The following PLCZ1 variants were observed in gnomAD, a reference collection of about 807,000 sequenced individuals.
PLCZ1 encodes the protein phospholipase C zeta 1.
In PLCZ1, 64 loss-of-function variants were observed where a neutral mutation model predicts 76.8. The ratio of observed to expected loss-of-function variants is 0.83; its 90% CI spans 0.68 to 1.03. The LOEUF (loss-of-function observed/expected upper bound fraction) is 1.03, where lower values mean the gene tolerates loss of function less well. Ranked by LOEUF, PLCZ1 falls within the 50% of genes least tolerant of loss-of-function variation. PLCZ1 has a pLI of 0.00. For missense variants in PLCZ1, 751 were observed against 713.7 expected (o/e 1.05, Z -0.60); for synonymous variants, 248 against 230.8 (o/e 1.07, Z -0.68).
intron 10 of PLCZ1, among the ~76,000 whole-genome samples, chr12:18,697,066 T>C (rs570072451): frequency 1.3e-5 from 2 of 152,252 alleles, no homozygotes; most frequent in South Asian, 2.1e-4. Flanking sequence ...TGGCACCTTC[T>C]TCAAATTTTT....
chr12:18,720,209 T>C (rs1958357609), intron 4 of PLCZ1, among the ~76,000 whole-genome samples: 1 of 152,106 alleles, frequency 6.6e-6, no homozygotes, highest in South Asian at 2.1e-4. Flanking sequence ...TCATTCCCAT[T>C]ACTTTACAGT....
chr12:18,696,063 G>T, intron 11 of PLCZ1, 87 bp downstream of exon 11: 1 of 710,020 alleles, frequency 1.4e-6, no homozygotes, highest in South Asian at 1.6e-5. Flanking sequence ...TTTACAGAAA[G>T]CCCTTTTCAC....
the PLCZ1 span, among the ~76,000 whole-genome samples, chr12:18,677,729 G>C: frequency 3.3e-5 from 5 of 152,072 alleles, no homozygotes; most frequent in Non-Finnish European, 7.4e-5. Context: ...CCAGTGTTCA[G>C]ATAAGGTTAA....
intron 7 of PLCZ1, among the ~76,000 whole-genome samples, chr12:18,702,265 A>G (rs904682867): frequency 4.6e-5 from 7 of 151,964 alleles, no homozygotes; most frequent in Non-Finnish European, 1.5e-5. Flanking sequence ...AGGCTCTTCA[A>G]ATTTCTTCTG....
At chr12:18,648,285 T>G in the PLCZ1 span, 1 of 248,522 alleles carries the variant, frequency 4.0e-6, no homozygotes. Flanking sequence ...AGACCTTTAT[T>G]AAATCATTTT....
chr12:18,692,572 G>C (rs574866539), intron 12 of PLCZ1, among the ~76,000 whole-genome samples: 1 of 152,250 alleles, frequency 6.6e-6, no homozygotes, highest in Admixed American at 6.5e-5. Flanking sequence ...TGGAGGAAAG[G>C]TGCTAGGTGG....
chr12:18,673,887 T>C, the PLCZ1 span, among the ~76,000 whole-genome samples: 2 of 152,206 alleles, frequency 1.3e-5, no homozygotes, highest in African/African-American at 4.8e-5. Context: ...CTCTTTCACA[T>C]GGCAGCTTGC....
chr12:18,672,276 A>G, the PLCZ1 span, among the ~76,000 whole-genome samples: 1 of 152,158 alleles, frequency 6.6e-6, no homozygotes, highest in Non-Finnish European at 1.5e-5. Context: ...TTCTAACTTA[A>G]TTCTCAGCAC....
At chr12:18,701,317 GAA>G (rs1189171418) in intron 9 of PLCZ1, among the ~76,000 whole-genome samples, 182 bp downstream of exon 9, 1 of 152,022 alleles carries the variant, frequency 6.6e-6, no homozygotes, top group Non-Finnish European at 1.5e-5. Flanking sequence ...GCTAACATAA[GAA>G]AAGAGGCAAT....
At chr12:18,720,532 G>C (rs116553835) in intron 4 of PLCZ1, among the ~76,000 whole-genome samples, 1 of 151,438 alleles carries the variant, frequency 6.6e-6, no homozygotes, top group East Asian at 2.0e-4. Context: ...CTTGTTATAT[G>C]ATCTTGAGCA....
At chr12:18,732,840 AC>A in intron 3 of PLCZ1, among the ~76,000 whole-genome samples, 1 of 152,184 alleles carries the variant, frequency 6.6e-6, no homozygotes, top group Non-Finnish European at 1.5e-5. Context: ...CATTGTATGT[AC>A]ATACTATATT....
chr12:18,715,184 GGA>G (rs1202742851), intron 5 of PLCZ1, among the ~76,000 whole-genome samples: 1 of 9,378 alleles, frequency 1.1e-4, no homozygotes, highest in Non-Finnish European at 4.3e-4. Flanking sequence ...GGGGGGGGGC[GGA>G]GGGAGGGAGA....
At chr12:18,720,328 A>G (rs1358528364) in intron 4 of PLCZ1, among the ~76,000 whole-genome samples, 1 of 151,900 alleles carries the variant, frequency 6.6e-6, no homozygotes, top group Non-Finnish European at 1.5e-5. Flanking sequence ...AAAAATAACC[A>G]GTAAATGTCT....
chr12:18,736,471 A>G, intron 2 of PLCZ1, 127 bp from the exon 3 acceptor site: 1 of 1,209,424 alleles, frequency 8.3e-7, no homozygotes, highest in Non-Finnish European at 1.1e-6. Context: ...AAATTATAGT[A>G]TAATTGTATG....
At chr12:18,666,984 A>G in the PLCZ1 span, among the ~76,000 whole-genome samples, 1 of 152,228 alleles carries the variant, frequency 6.6e-6, no homozygotes, top group African/African-American at 2.4e-5. Flanking sequence ...GAAAGTAGCA[A>G]TCATGGCCTA....
At chr12:18,693,696 G>C in intron 12 of PLCZ1, 1 of 1,565,166 alleles carries the variant, frequency 6.4e-7, no homozygotes, top group East Asian at 2.2e-5. Context: ...GAAATTCAGC[G>C]AACAACGTTG....
chr12:18,679,107 T>C (rs1952194233), downstream of PLCZ1, among the ~76,000 whole-genome samples: 1 of 152,126 alleles, frequency 6.6e-6, no homozygotes, highest in African/African-American at 2.4e-5. Context: ...CATGTGCTTA[T>C]TAATCATTCA....
chr12:18,684,632 C>G (rs1952818056), intron 13 of PLCZ1, among the ~76,000 whole-genome samples: 1 of 152,072 alleles, frequency 6.6e-6, no homozygotes, highest in Non-Finnish European at 1.5e-5. Context: ...GGGAGTCTGA[C>G]TTCAGAGCAA....
intron 12 of PLCZ1, chr12:18,693,721 G>T (rs1325551724): frequency 6.4e-7 from 1 of 1,551,262 alleles, no homozygotes; most frequent in African/African-American, 1.4e-5. Context: ...TGCTGAACCA[G>T]TTGGATGGAT....
Sources: allele counts gnomAD v4.1 joint callset (sites outside exome capture counted in the v4.1 genomes callset), GRCh38; gene constraint gnomAD v4.1.1; transcripts MANE v1.5; gene names NCBI Gene and HGNC (gene_info 2026-07-23, HGNC 2026-07-21).